Variants in SLC13A3 observed in about 807,000 individuals in gnomAD.
The protein encoded by SLC13A3 is solute carrier family 13 member 3.
A neutral mutation model predicts 59.0 loss-of-function variants in SLC13A3; 40 were observed. The ratio of observed to expected loss-of-function variants is 0.68; its 90% CI spans 0.53 to 0.88. The LOEUF (loss-of-function observed/expected upper bound fraction) is 0.88. Among genes scored for constraint, SLC13A3 ranks in the 40% least tolerant of loss-of-function variants. SLC13A3 has a pLI of 0.00. For synonymous variants in SLC13A3, 317 were observed against 330.3 expected, an observed-to-expected ratio of 0.96 and a Z score of 0.44; for missense variants, 699 against 783.2, an observed-to-expected ratio of 0.89 and a Z score of 1.28.
In SLC13A3 at chr20:46,613,466, G is replaced by T; in HGVS notation, c.371C>A (p.Pro124Gln). The T allele has an allele frequency of 6.3e-7, 1 of 1,588,626 alleles. No homozygotes were observed. Among genetic ancestry groups the T allele is most frequent in the Non-Finnish European group, 8.6e-7 (1 of 1,165,518 alleles). The part of the protein sequence containing the change: ...LKILMLVGVQ[P>Q]ARLILGMMVT... The stretch of plus-strand genomic sequence containing the variant: ...AACCATTACCTGTTCTTACCTGGCC[G>T]GCTGGACTCCAACAAGCATCAGGAT... The change falls in exon 2 of 13, where the codon CCG becomes CAG. Residue 124 changes from proline (P) to glutamine (Q), a missense_variant. Physicochemically the swap from Pro to Gln is moderately conservative, Grantham distance 76. Transcript: ENST00000279027.
intron 3 of SLC13A3, among the ~76,000 whole-genome samples, chr20:46,603,459 C>T (rs13039690): frequency 2.6e-5 from 4 of 151,738 alleles, no homozygotes; most frequent in Non-Finnish European, 5.9e-5. Context: ...ACAACAGCCT[C>T]GACATACCAG....
At chr20:46,679,487 G>T (rs957981812) in intron 1 of SLC13A3, among the ~76,000 whole-genome samples, 1 of 151,694 alleles carries the variant, frequency 6.6e-6, no homozygotes, top group African/African-American at 2.4e-5. Flanking sequence ...GGTGGCGGGC[G>T]CCTGTAGTCC....
intron 1 of SLC13A3, among the ~76,000 whole-genome samples, chr20:46,663,818 C>T (rs2063046439): frequency 6.6e-6 from 1 of 152,192 alleles, no homozygotes; most frequent in African/African-American, 2.4e-5. Context: ...GCGTAACCAA[C>T]CACTACACTG....
intron 1 of SLC13A3, among the ~76,000 whole-genome samples, chr20:46,641,298 C>T (rs2062844060): frequency 2.6e-5 from 4 of 152,110 alleles, no homozygotes; most frequent in Admixed American, 2.0e-4. Flanking sequence ...TCACTGAGCA[C>T]CTACTATGTG....
intron 1 of SLC13A3, among the ~76,000 whole-genome samples, chr20:46,641,823 G>A (rs1964745066): frequency 6.6e-6 from 1 of 152,172 alleles, no homozygotes; most frequent in Admixed American, 6.5e-5. Flanking sequence ...CTACTAGCCT[G>A]CAAGCATTCC....
intron 1 of SLC13A3, among the ~76,000 whole-genome samples, chr20:46,614,503 G>A (rs188525382): frequency 1.3e-5 from 2 of 152,220 alleles, no homozygotes; most frequent in African/African-American, 4.8e-5. Flanking sequence ...CGGAAATGGT[G>A]AGCACCAGTG....
chr20:46,599,886 G>T, intron 4 of SLC13A3, 85 bp downstream of exon 4: 1 of 1,083,122 alleles, frequency 9.2e-7, no homozygotes, highest in Non-Finnish European at 1.3e-6. Context: ...GGGATGGGAG[G>T]AAAATGGTTT....
chr20:46,592,623 A>C (rs1211643338), intron 5 of SLC13A3, 94 bp from the exon 6 acceptor site: 1 of 1,275,912 alleles, frequency 7.8e-7, no homozygotes, highest in African/African-American at 1.5e-5. Flanking sequence ...AGCAGCGGGG[A>C]GGAGGAATGA....
chr20:46,585,111 A>G (rs1228462918), intron 8 of SLC13A3: 1 of 978,812 alleles, frequency 1.0e-6, no homozygotes, highest in Non-Finnish European at 1.2e-6. Context: ...TTTTAAAAGA[A>G]TAAATTTGTG....
In SLC13A3 at chr20:46,600,132, C is replaced by T. The variant is rs1344501056; in HGVS notation, c.542-95G>A. On this transcript the variant is annotated intron_variant, in intron 3 of 12. Coordinates refer to ENST00000279027, the MANE Select transcript of SLC13A3 (RefSeq NM_022829.6). The stretch of plus-strand genomic sequence containing the variant: ...AAGTCAGTCAAGAATGCTTTCTTTG[C>T]CAAGGATCCTATACTACTCACTGAA... 5.1e-6 allele frequency: 4 copies of T among 788,524 alleles called. No individual in the cohort carries two copies. The East Asian group carries it at 1.1e-4, about 21-fold the overall frequency. 48.8% of individuals were successfully genotyped at this position (788,524 alleles called of 1,614,324 possible).
At chr20:46,674,776 A>G (rs2063114568), upstream of SLC13A3, among the ~76,000 whole-genome samples, 1 of 152,144 alleles carries the variant, frequency 6.6e-6, no homozygotes, top group East Asian at 1.9e-4. Context: ...CCCAGGCACC[A>G]TGGTAGAAAT....
intron 1 of SLC13A3, among the ~76,000 whole-genome samples, chr20:46,662,410 T>C (rs939333248): frequency 1.3e-5 from 2 of 152,176 alleles, no homozygotes; most frequent in African/African-American, 2.4e-5. Flanking sequence ...ACCAGGACCA[T>C]TGGGTCATTC....
rs2062503193 is a variant in SLC13A3, at chr20:46,612,110, TCTC to T, written c.377+1347_377+1349del. Among the ~76,000 whole-genome samples the T allele has an allele frequency of 4.3e-4, 62 of 144,320 alleles. 1 individual carries two copies. Among genetic ancestry groups the T allele is most frequent in the African/African-American group, 1.6e-3 (58 of 36,206 alleles). 94.7% of individuals were successfully genotyped at this position (144,320 alleles called of 152,430 possible). On this transcript the variant is annotated intron_variant, in intron 2 of 12. Coordinates refer to ENST00000279027, the MANE Select transcript of SLC13A3 (RefSeq NM_022829.6). ...CTTTTCTTTTCTTTCTTTCTCTCTT[TCTC>T]TCTCTCTTTGCTTTTTTTTTTTTTT...
chr20:46,653,530 GAAC>G (rs1490016159), upstream of SLC13A3, among the ~76,000 whole-genome samples: 2 of 152,014 alleles, frequency 1.3e-5, no homozygotes, highest in Admixed American at 6.5e-5. Flanking sequence ...AACAAAAAAA[GAAC>G]AACAACAAAA....
chr20:46,570,014 T>A (rs977542997), intron 10 of SLC13A3, among the ~76,000 whole-genome samples: 4 of 152,226 alleles, frequency 2.6e-5, no homozygotes, highest in Non-Finnish European at 5.9e-5. Context: ...TACAACTTTG[T>A]ATAATAATTC....
chr20:46,637,206 G>A (rs988535288), intron 1 of SLC13A3, among the ~76,000 whole-genome samples: 1 of 152,174 alleles, frequency 6.6e-6, no homozygotes, highest in Non-Finnish European at 1.5e-5. Context: ...ACCAGTGAGT[G>A]AAGGGGAAGC....
intron 9 of SLC13A3, 181 bp downstream of exon 9, chr20:46,583,391 G>T: frequency 1.4e-6 from 2 of 1,393,456 alleles, no homozygotes; most frequent in East Asian, 2.6e-5. Context: ...GCTAACCCCT[G>T]TCCTGGACTA....
chr20:46,655,265 A>G (rs1339604269), upstream of SLC13A3, among the ~76,000 whole-genome samples: 2 of 150,452 alleles, frequency 1.3e-5, no homozygotes, highest in Non-Finnish European at 2.9e-5. Flanking sequence ...GTATATACAC[A>G]TATGTATACA....
intron 1 of SLC13A3, among the ~76,000 whole-genome samples, chr20:46,640,470 T>C (rs1474455010): frequency 1.3e-5 from 2 of 152,148 alleles, no homozygotes; most frequent in Non-Finnish European, 2.9e-5. Context: ...CACCTTCCCA[T>C]GGCTGTCCCT....
Sources: gnomAD v4.1 joint callset for allele counts (sites outside exome capture counted in the v4.1 genomes callset) on GRCh38, gnomAD v4.1.1 for gene constraint, MANE v1.5 for transcripts, NCBI Gene and HGNC (gene_info 2026-07-23, HGNC 2026-07-21) for gene names.